CLDN14: variants seen among roughly 807,000 people sequenced by gnomAD.
The protein encoded by CLDN14 is claudin-14.
Under a neutral mutation model 2.1 loss-of-function variants are expected in CLDN14, and 2 were observed. That is an observed-to-expected ratio of 0.96 (90% CI 0.39 to 3.01). CLDN14 has a LOEUF of 3.01. Ranked by LOEUF, CLDN14 falls within the 30% of genes most tolerant of loss-of-function variation. The probability of loss-of-function intolerance (pLI) is 0.09; values close to 1 mark genes in which losing one functional copy is unlikely to be tolerated. For missense variants in CLDN14, 298 were observed against 328.0 expected (o/e 0.91, Z 0.71); for synonymous variants, 136 against 154.4 (o/e 0.88, Z 0.88).
intron 1 of CLDN14, among the ~76,000 whole-genome samples, chr21:36,540,270 A>G (rs1001684257): frequency 8.5e-5 from 13 of 152,156 alleles, no homozygotes; most frequent in African/African-American, 3.1e-4. Flanking sequence ...GTCCTCTCAT[A>G]CACTGCAAAT....
At chr21:36,534,890 T>C (rs2087412029) in intron 1 of CLDN14, among the ~76,000 whole-genome samples, 1 of 152,040 alleles carries the variant, frequency 6.6e-6, no homozygotes, top group Admixed American at 6.6e-5. Flanking sequence ...AATGCAACCA[T>C]CTCCCTCCCT....
intron 1 of CLDN14, among the ~76,000 whole-genome samples, chr21:36,466,974 C>G (rs935146938): frequency 6.6e-6 from 1 of 152,104 alleles, no homozygotes; most frequent in African/African-American, 2.4e-5. Context: ...GTCATTAAAC[C>G]TTAGAGTTTT....
At chr21:36,568,020 A>C (rs1424552327) in intron 1 of CLDN14, among the ~76,000 whole-genome samples, 1 of 152,204 alleles carries the variant, frequency 6.6e-6, no homozygotes, top group African/African-American at 2.4e-5. Context: ...ATTATGGAAG[A>C]GCAAGAGGTC....
intron 1 of CLDN14, among the ~76,000 whole-genome samples, chr21:36,537,523 G>A (rs2087434159): frequency 6.6e-6 from 1 of 152,104 alleles, no homozygotes; most frequent in Non-Finnish European, 1.5e-5. Context: ...AATGTTATGA[G>A]GTATGATAAT....
rs1470267852 is a variant in CLDN14, at chr21:36,479,700, G to C, written c.-287C>G. 1.3e-5 allele frequency: 2 copies of C among 152,210 alleles called. No individual in the cohort carries two copies. Among genetic ancestry groups the C allele is most frequent in the Admixed American group, 6.5e-5 (1 of 15,278 alleles). 9.4% of individuals were successfully genotyped at this position (152,210 alleles called of 1,614,324 possible). ...GTCTAGACAATTACAGTGTTCCTTAGAATGGCCTGCGTGGGCACACGTGCC... is the reference window on the plus strand; with the variant it reads ...GTCTAGACAATTACAGTGTTCCTTACAATGGCCTGCGTGGGCACACGTGCC... On this transcript the variant is annotated 5_prime_UTR_variant, in exon 1 of 2. Transcript: ENST00000399135.
chr21:36,543,416 C>A (rs2087505979), intron 1 of CLDN14, among the ~76,000 whole-genome samples: 1 of 152,124 alleles, frequency 6.6e-6, no homozygotes, highest in Non-Finnish European at 1.5e-5. Context: ...AGAGCAACGA[C>A]CAGGGAGAGG....
chr21:36,477,879 C>A (rs1022592686), intron 1 of CLDN14, among the ~76,000 whole-genome samples: 6 of 152,178 alleles, frequency 3.9e-5, no homozygotes, highest in African/African-American at 1.4e-4. Context: ...GCAAATGGTG[C>A]GAGTGAAGAA....
rs141364962 is a variant in CLDN14, at chr21:36,485,935, G to A, written c.-81-24159C>T. ...ACACATCTAACCCTATATTCTCTGCGTCCCATGCAGTCCCCTGAGCAGGCT... is the reference window on the plus strand; with the variant it reads ...ACACATCTAACCCTATATTCTCTGCATCCCATGCAGTCCCCTGAGCAGGCT... On this transcript the variant is annotated intron_variant, in intron 2 of 2. Transcript: ENST00000342108. 3.2e-4 allele frequency: 355 copies of A among 1,098,212 alleles called. No individual in the cohort carries two copies. In the African/African-American group the frequency reaches 4.1e-3, roughly 13 times the overall value. 68.0% of individuals were successfully genotyped at this position (1,098,212 alleles called of 1,614,324 possible).
At chr21:36,488,089 A>T (rs1188566159) in intron 2 of CLDN14, among the ~76,000 whole-genome samples, 1 of 152,244 alleles carries the variant, frequency 6.6e-6, no homozygotes, top group Non-Finnish European at 1.5e-5. Flanking sequence ...TAAACAAAAT[A>T]TGCTGTAACC....
upstream of CLDN14, among the ~76,000 whole-genome samples, chr21:36,482,774 G>GA (rs1263946693): frequency 6.6e-6 from 1 of 152,086 alleles, no homozygotes; most frequent in African/African-American, 2.4e-5. Context: ...AGCATATCCT[G>GA]TGAAAGTCAC....
At chr21:36,548,684 A>G (rs188189842) in intron 1 of CLDN14, among the ~76,000 whole-genome samples, 102 of 152,242 alleles carry the variant, frequency 6.7e-4, no homozygotes, top group Middle Eastern at 3.4e-3. Context: ...ATGGTCCCCA[A>G]TGGAGTAAGG....
At chr21:36,506,672 G>T (rs927777847) in intron 2 of CLDN14, among the ~76,000 whole-genome samples, 1 of 152,004 alleles carries the variant, frequency 6.6e-6, no homozygotes, top group East Asian at 1.9e-4. Context: ...ACAAAAAGCC[G>T]TTCACAGCGA....
intron 1 of CLDN14, among the ~76,000 whole-genome samples, chr21:36,546,647 T>C (rs1288401217): frequency 6.6e-6 from 1 of 152,224 alleles, no homozygotes; most frequent in Non-Finnish European, 1.5e-5. Flanking sequence ...GCTTACCTTT[T>C]TATTACAAAA....
intron 1 of CLDN14, among the ~76,000 whole-genome samples, chr21:36,568,596 A>T (rs2087688709): frequency 6.6e-6 from 1 of 152,230 alleles, no homozygotes. Context: ...ACCATGGCTC[A>T]GGCCTGAAGT....
chr21:36,554,503 C>A (rs948862327), intron 1 of CLDN14, among the ~76,000 whole-genome samples: 2 of 152,172 alleles, frequency 1.3e-5, no homozygotes, highest in African/African-American at 4.8e-5. Context: ...GTCAGGCCCG[C>A]CTTGTTGGGA....
chr21:36,566,539 T>G (rs553017226), intron 1 of CLDN14, among the ~76,000 whole-genome samples: 1 of 152,338 alleles, frequency 6.6e-6, no homozygotes, highest in South Asian at 2.1e-4. Flanking sequence ...TCCTCTGAGT[T>G]GAGGCCCTGG....
chr21:36,478,077 A>C (rs1403703527), intron 1 of CLDN14, among the ~76,000 whole-genome samples: 1 of 152,228 alleles, frequency 6.6e-6, no homozygotes, highest in Non-Finnish European at 1.5e-5. Context: ...TGATTTTTTT[A>C]AAAACAATAA....
At chr21:36,545,156 C>T (rs1273797303) in intron 1 of CLDN14, among the ~76,000 whole-genome samples, 1 of 152,202 alleles carries the variant, frequency 6.6e-6, no homozygotes, top group Non-Finnish European at 1.5e-5. Flanking sequence ...GCATTCTCCA[C>T]TTAAACCAGA....
chr21:36,536,104 G>C (rs1365728853), intron 1 of CLDN14, among the ~76,000 whole-genome samples: 2 of 152,244 alleles, frequency 1.3e-5, no homozygotes, highest in African/African-American at 4.8e-5. Context: ...CTGCAGCCCA[G>C]CTCTGTGGGG....
Sources: gnomAD v4.1 joint callset for allele counts (sites outside exome capture counted in the v4.1 genomes callset) on GRCh38, gnomAD v4.1.1 for gene constraint, MANE v1.5 for transcripts, NCBI Gene and HGNC (gene_info 2026-07-23, HGNC 2026-07-21) for gene names.